NEGR1: variants seen among roughly 807,000 people sequenced by gnomAD.
NEGR1 encodes IgLON family member 4.
NEGR1 carries 10 observed loss-of-function variants against 40.9 expected under a neutral mutation model. The observed-to-expected ratio is 0.24, with a 90% confidence interval of 0.15 to 0.42. The LOEUF is 0.42. NEGR1 is among the 10% of genes least tolerant of loss of function. NEGR1 has a pLI of 1.00. For missense variants in NEGR1, 352 were observed against 438.9 expected (o/e 0.80, Z 1.77); for synonymous variants, 185 against 166.8 (o/e 1.11, Z -0.84).
chr1:71,861,848 G>GT (rs1448078393), intron 2 of NEGR1, among the ~76,000 whole-genome samples: 2 of 151,970 alleles, frequency 1.3e-5, no homozygotes, highest in African/African-American at 4.8e-5. Context: ...AGAACAGAAT[G>GT]AAACAGATTT....
intron 4 of NEGR1, among the ~76,000 whole-genome samples, chr1:71,623,503 G>T (rs1438188232): frequency 1.3e-5 from 2 of 151,910 alleles, no homozygotes; most frequent in African/African-American, 4.8e-5. Context: ...TATGAACAAG[G>T]GGGGAAAAAC....
chr1:71,664,411 A>G (rs1229903011), intron 4 of NEGR1, among the ~76,000 whole-genome samples: 2 of 152,132 alleles, frequency 1.3e-5, no homozygotes, highest in Non-Finnish European at 2.9e-5. Flanking sequence ...TTCCACTTCA[A>G]TCTAATTTTT....
intron 1 of NEGR1, among the ~76,000 whole-genome samples, chr1:71,991,176 T>C (rs540309243): frequency 6.6e-6 from 1 of 152,308 alleles, no homozygotes; most frequent in South Asian, 2.1e-4. Flanking sequence ...AATTACTTCC[T>C]AATTAATTTA....
chr1:71,677,753 A>T (rs1652692721), intron 4 of NEGR1, among the ~76,000 whole-genome samples: 1 of 152,194 alleles, frequency 6.6e-6, no homozygotes, highest in Non-Finnish European at 1.5e-5. Flanking sequence ...CATAATTTAC[A>T]AGTGAGAAAG....
At chr1:71,805,622 A>T (rs1329973263) in intron 2 of NEGR1, among the ~76,000 whole-genome samples, 6 of 152,180 alleles carry the variant, frequency 3.9e-5, no homozygotes, top group Admixed American at 3.9e-4. Context: ...GATAATTGGA[A>T]TGTTGTATTT....
chr1:72,041,966 A>ACATGT (rs1163745876), intron 1 of NEGR1, among the ~76,000 whole-genome samples: 3 of 144,624 alleles, frequency 2.1e-5, no homozygotes, highest in Non-Finnish European at 4.5e-5. Context: ...TATATTATAT[A>ACATGT]TAAATATATA....
intron 1 of NEGR1, among the ~76,000 whole-genome samples, chr1:71,980,006 GT>G (rs1646340776): frequency 6.6e-6 from 1 of 152,116 alleles, no homozygotes; most frequent in Admixed American, 6.6e-5. Flanking sequence ...TTTCAGAGTG[GT>G]AAAAGTGAGT....
intron 2 of NEGR1, among the ~76,000 whole-genome samples, chr1:71,777,218 A>G (rs1656544151): frequency 6.6e-6 from 1 of 152,110 alleles, no homozygotes. Context: ...TATTTAGAGT[A>G]AGTTATTTAA....
intron 1 of NEGR1, among the ~76,000 whole-genome samples, chr1:72,033,716 C>T (rs1488853369): frequency 1.3e-5 from 2 of 152,130 alleles, no homozygotes; most frequent in Non-Finnish European, 2.9e-5. Flanking sequence ...TAAGGACCTG[C>T]ATGTTTAGAC....
intron 2 of NEGR1, among the ~76,000 whole-genome samples, chr1:71,878,045 T>A (rs1660481612): frequency 6.6e-6 from 1 of 152,168 alleles, no homozygotes; most frequent in Non-Finnish European, 1.5e-5. Context: ...AAAATCATCC[T>A]CTCCTGGTAA....
At chr1:71,642,387 GAA>G (rs907289972) in intron 4 of NEGR1, among the ~76,000 whole-genome samples, 23 of 151,548 alleles carry the variant, frequency 1.5e-4, no homozygotes, top group African/African-American at 5.3e-4. Flanking sequence ...AGAAAAGAGA[GAA>G]AGAGAAGGAC....
chr1:72,245,652 A>T (rs1279540845), intron 1 of NEGR1, among the ~76,000 whole-genome samples: 1 of 152,186 alleles, frequency 6.6e-6, no homozygotes, highest in Non-Finnish European at 1.5e-5. Flanking sequence ...ATTCATTTAG[A>T]AGATTCAAAC....
chr1:72,241,350 T>A (rs1028464745), intron 1 of NEGR1, among the ~76,000 whole-genome samples: 11 of 132,394 alleles, frequency 8.3e-5, no homozygotes, highest in African/African-American at 3.3e-4. Context: ...GGATACCTGA[T>A]ATTCCCTGTC....
At chr1:71,860,709 T>C (rs1429654745) in intron 2 of NEGR1, among the ~76,000 whole-genome samples, 1 of 151,980 alleles carries the variant, frequency 6.6e-6, no homozygotes, top group Non-Finnish European at 1.5e-5. Flanking sequence ...TCTTAAGGAA[T>C]TACAGAAGGA....
intron 6 of NEGR1, among the ~76,000 whole-genome samples, chr1:71,532,878 C>T (rs1252296236): frequency 6.6e-6 from 1 of 151,410 alleles, no homozygotes; most frequent in Non-Finnish European, 1.5e-5. Flanking sequence ...GGACTTGTGA[C>T]AGGACTAGAG....
intron 3 of NEGR1, among the ~76,000 whole-genome samples, chr1:71,746,237 T>G (rs1655378296): frequency 6.6e-6 from 1 of 152,220 alleles, no homozygotes; most frequent in Non-Finnish European, 1.5e-5. Context: ...AAAACACTCT[T>G]TTCTGCTCCT....
chr1:72,019,912 A>G (rs1325280208), intron 1 of NEGR1, among the ~76,000 whole-genome samples: 1 of 152,238 alleles, frequency 6.6e-6, no homozygotes, highest in Non-Finnish European at 1.5e-5. Context: ...TATGTGGCTA[A>G]CTATGAGCCA....
chr1:71,533,837 C>T (rs78998019), intron 6 of NEGR1, among the ~76,000 whole-genome samples: 1,643 of 151,642 alleles, frequency 0.011, 30 homozygotes, highest in African/African-American at 0.038. Context: ...AGGATATTAA[C>T]AATTTTTCAT....
At chr1:71,942,465 A>C (rs868607888) in intron 1 of NEGR1, among the ~76,000 whole-genome samples, 70 of 8,908 alleles carry the variant, frequency 7.9e-3, no homozygotes, top group Non-Finnish European at 0.017. Flanking sequence ...CTATATATAT[A>C]TATATATATA....
Sources: gnomAD v4.1 joint callset for allele counts (sites outside exome capture counted in the v4.1 genomes callset) on GRCh38, gnomAD v4.1.1 for gene constraint, MANE v1.5 for transcripts, NCBI Gene and HGNC (gene_info 2026-07-23, HGNC 2026-07-21) for gene names.